LPP: variants seen among roughly 807,000 people sequenced by gnomAD.
LPP encodes lipoma-preferred partner.
A neutral mutation model predicts 60.4 loss-of-function variants in LPP; 38 were observed. The ratio of observed to expected loss-of-function variants is 0.63; its 90% CI spans 0.49 to 0.83. The LOEUF (loss-of-function observed/expected upper bound fraction) is 0.83, where lower values mean the gene tolerates loss of function less well. Among genes scored for constraint, LPP ranks in the 40% least tolerant of loss-of-function variants. The pLI, the probability that LPP is intolerant of heterozygous loss-of-function variation, is 0.00. For missense variants in LPP, 902 were observed against 783.6 expected, an observed-to-expected ratio of 1.15 and a Z score of -1.80; for synonymous variants, 328 against 290.8, an observed-to-expected ratio of 1.13 and a Z score of -1.30.
chr3:188,557,724 T>C lies in LPP; in HGVS notation c.429+32937T>C, dbSNP rs887456540. ...GAAGAACATGAGGGAAACTAGAGGT[T>C]GTACAAGTAAATTCTATTGTTGCTA... On this transcript the variant is annotated intron_variant, in intron 6 of 11. Coordinates refer to ENST00000617246, the MANE Select transcript of LPP (RefSeq NM_001375462.1). Among the ~76,000 whole-genome samples, 9 of 152,102 alleles carry C rather than the reference T, an allele frequency of 5.9e-5. No individual in the cohort carries two copies. The East Asian group carries it at 1.2e-3, about 20-fold the overall frequency.
intron 3 of LPP, among the ~76,000 whole-genome samples, chr3:188,396,061 G>A (rs1780872313): frequency 1.3e-5 from 2 of 152,152 alleles, no homozygotes. Flanking sequence ...TGAACAATAT[G>A]ATGTTCAAAA....
intron 2 of LPP, among the ~76,000 whole-genome samples, chr3:188,235,513 T>A (rs1051800430): frequency 6.6e-6 from 1 of 152,172 alleles, no homozygotes; most frequent in Non-Finnish European, 1.5e-5. Flanking sequence ...AGAGTTTTTT[T>A]AGACATGTTT....
chr3:188,654,407 T>G (rs1039439081), intron 7 of LPP, among the ~76,000 whole-genome samples: 2 of 152,200 alleles, frequency 1.3e-5, no homozygotes, highest in African/African-American at 4.8e-5. Flanking sequence ...GAATCTGTGT[T>G]AAAATGCCTT....
chr3:188,835,769 T>C (rs576530341), intron 9 of LPP, among the ~76,000 whole-genome samples: 3 of 152,320 alleles, frequency 2.0e-5, no homozygotes, highest in East Asian at 1.9e-4. Context: ...GAATTATGAA[T>C]GGGCAGAGAG....
intron 4 of LPP, among the ~76,000 whole-genome samples, chr3:188,447,855 A>T (rs1488299219): frequency 6.6e-6 from 1 of 152,020 alleles, no homozygotes; most frequent in East Asian, 1.9e-4. Context: ...ATGCCTCCTC[A>T]TTTACCATCA....
intron 9 of LPP, among the ~76,000 whole-genome samples, chr3:188,761,756 G>A (rs1048521465): frequency 6.6e-6 from 1 of 152,142 alleles, no homozygotes; most frequent in Non-Finnish European, 1.5e-5. Context: ...ATGCATAAGC[G>A]AAAGTCTAGT....
At chr3:188,369,723 G>A (rs1343212670) in intron 3 of LPP, among the ~76,000 whole-genome samples, 2 of 152,146 alleles carry the variant, frequency 1.3e-5, no homozygotes, top group Admixed American at 6.5e-5. Context: ...AGTGCTGGGC[G>A]CTGTGAATCA....
intron 9 of LPP, among the ~76,000 whole-genome samples, chr3:188,807,909 A>G (rs367945900): frequency 6.6e-5 from 10 of 152,206 alleles, no homozygotes; most frequent in African/African-American, 2.4e-4. Flanking sequence ...ACTTCTTGGT[A>G]TGCCAGGTAA....
intron 2 of LPP, among the ~76,000 whole-genome samples, chr3:188,276,077 G>T (rs747875507): frequency 2.6e-5 from 4 of 152,164 alleles, no homozygotes; most frequent in Non-Finnish European, 5.9e-5. Context: ...AAATGATTTG[G>T]CAAAAGTATG....
At chr3:188,374,522 T>C (rs1377892497) in intron 3 of LPP, among the ~76,000 whole-genome samples, 2 of 152,178 alleles carry the variant, frequency 1.3e-5, no homozygotes, top group Non-Finnish European at 2.9e-5. Context: ...CTGTTATTGG[T>C]GTATAAGAAT....
intron 9 of LPP, among the ~76,000 whole-genome samples, chr3:188,772,033 C>T (rs1736205697): frequency 6.6e-6 from 1 of 152,210 alleles, no homozygotes; most frequent in African/African-American, 2.4e-5. Context: ...TTGCAAGGCT[C>T]CTGGGACAGC....
intron 6 of LPP, among the ~76,000 whole-genome samples, chr3:188,542,715 T>TTTTTTGTTTTTG (rs113890955): frequency 6.6e-6 from 1 of 151,094 alleles, no homozygotes; most frequent in East Asian, 2.0e-4. Flanking sequence ...AAATGCATTA[T>TTTTTTGTTTTTG]TTTTTGTTTT....
At chr3:188,871,765 CAG>C (rs944350207) in intron 10 of LPP, among the ~76,000 whole-genome samples, 1 of 152,016 alleles carries the variant, frequency 6.6e-6, no homozygotes, top group East Asian at 1.9e-4. Flanking sequence ...CCAGAAGATA[CAG>C]AGAGATACAT....
chr3:188,433,576 GAGAA>G (rs1433356361), intron 4 of LPP, among the ~76,000 whole-genome samples: 5 of 131,010 alleles, frequency 3.8e-5, no homozygotes, highest in Non-Finnish European at 6.4e-5. Context: ...ATGAGAGAGA[GAGAA>G]AGAGAGAGAG....
intron 2 of LPP, among the ~76,000 whole-genome samples, chr3:188,300,503 T>C (rs1182449734): frequency 6.7e-6 from 1 of 150,088 alleles, no homozygotes; most frequent in Non-Finnish European, 1.5e-5. Context: ...AAGTATCCAG[T>C]TTTTTAAATA....
chr3:188,715,003 A>C (rs752131534), intron 8 of LPP, among the ~76,000 whole-genome samples: 6 of 152,196 alleles, frequency 3.9e-5, no homozygotes, highest in Non-Finnish European at 7.3e-5. Context: ...GCCTTGGTTC[A>C]AGTGCTTGCA....
At chr3:188,396,643 C>A (rs1263033628) in intron 3 of LPP, among the ~76,000 whole-genome samples, 4 of 152,120 alleles carry the variant, frequency 2.6e-5, no homozygotes, top group Non-Finnish European at 5.9e-5. Flanking sequence ...GGGTGAGGGG[C>A]AAAATCTTTA....
At chr3:188,667,805 T>A (rs1368212366) in intron 7 of LPP, among the ~76,000 whole-genome samples, 2 of 151,638 alleles carry the variant, frequency 1.3e-5, no homozygotes, top group Non-Finnish European at 2.9e-5. Context: ...TTGTTTTTAA[T>A]GGCAATGTAA....
intron 9 of LPP, among the ~76,000 whole-genome samples, chr3:188,810,801 G>A (rs1750705254): frequency 6.6e-6 from 1 of 152,060 alleles, no homozygotes; most frequent in East Asian, 1.9e-4. Flanking sequence ...TTAAATTATT[G>A]TATGGGTGGG....
Sources: gnomAD v4.1 joint callset for allele counts (sites outside exome capture counted in the v4.1 genomes callset) on GRCh38, gnomAD v4.1.1 for gene constraint, MANE v1.5 for transcripts, NCBI Gene and HGNC (gene_info 2026-07-23, HGNC 2026-07-21) for gene names.